Variants in ASXL3 observed in about 807,000 individuals in gnomAD.
The protein encoded by ASXL3 is putative Polycomb group protein ASXL3.
A neutral mutation model predicts 170.6 loss-of-function variants in ASXL3; 34 were observed. That is an observed-to-expected ratio of 0.20 (90% CI 0.15 to 0.27). ASXL3 has a LOEUF of 0.27. Among genes scored for constraint, ASXL3 ranks in the 10% least tolerant of loss-of-function variants. The pLI is 1.00. For missense variants in ASXL3, 2,592 were observed against 2,695.3 expected, an observed-to-expected ratio of 0.96 and a Z score of 0.85; for synonymous variants, 1,002 against 989.1, an observed-to-expected ratio of 1.01 and a Z score of -0.24.
At chr18:33,653,278 A>G (rs2066030666) in intron 4 of ASXL3, among the ~76,000 whole-genome samples, 2 of 152,030 alleles carry the variant, frequency 1.3e-5, no homozygotes, top group African/African-American at 4.8e-5. Context: ...AGTGTGACCA[A>G]CTACCTGGCA....
At chr18:33,716,531 C>A (rs1038037265) in intron 8 of ASXL3, among the ~76,000 whole-genome samples, 2 of 152,126 alleles carry the variant, frequency 1.3e-5, no homozygotes, top group Non-Finnish European at 2.9e-5. Flanking sequence ...AGTCAGATGA[C>A]AGGCTTTCTC....
At position 33,740,189 on chromosome 18, in the gene ASXL3, A is replaced by C; in HGVS notation, c.2785A>C (p.Ser929Arg). 1 of 1,613,932 alleles carries C rather than the reference A, an allele frequency of 6.2e-7. No individual in the cohort carries two copies. The highest frequency in any genetic ancestry group is 8.5e-7 in the Non-Finnish European group (1 of 1,179,864). ...GSRNKTHKQG[S>R]TQSRLETSHT... ...TAGAAATAAAACACATAAGCAAGGGAGTACACAGAGTCGGTTAGAAACCTC... is the reference window on the plus strand; with the variant it reads ...TAGAAATAAAACACATAAGCAAGGGCGTACACAGAGTCGGTTAGAAACCTC... The change falls in exon 11 of 12, where the codon AGT (serine) becomes CGT (arginine). Residue 929 changes from serine to arginine, a missense_variant. This residue lies in a region of ASXL3 where 2,246 missense variants were observed against 2,219.6 expected (regional missense o/e 1.01). Coordinates refer to ENST00000269197, the MANE Select transcript of ASXL3 (RefSeq NM_030632.3).
chr18:33,713,453 A>G (rs2067113985), intron 8 of ASXL3, among the ~76,000 whole-genome samples: 1 of 151,370 alleles, frequency 6.6e-6, no homozygotes. Context: ...GAGATGGACC[A>G]TGTTGGCCAG....
chr18:33,615,584 C>G (rs898785637), intron 2 of ASXL3, among the ~76,000 whole-genome samples: 4 of 152,094 alleles, frequency 2.6e-5, no homozygotes, highest in African/African-American at 7.2e-5. Flanking sequence ...CTCAAACTTG[C>G]AATTTGTAAA....
chr18:33,719,901 T>A (rs1250294574), intron 8 of ASXL3, among the ~76,000 whole-genome samples: 1 of 152,066 alleles, frequency 6.6e-6, no homozygotes, highest in African/African-American at 2.4e-5. Flanking sequence ...CTGCCCAGTC[T>A]ATGGTACTTT....
intron 8 of ASXL3, among the ~76,000 whole-genome samples, chr18:33,697,656 A>G (rs1375102129): frequency 6.6e-6 from 1 of 152,018 alleles, no homozygotes; most frequent in Admixed American, 6.6e-5. Flanking sequence ...ACCTCTATAC[A>G]TTTCAGGTGG....
At chr18:33,585,813 T>TAA (rs1327884513) in intron 1 of ASXL3, among the ~76,000 whole-genome samples, 1 of 152,236 alleles carries the variant, frequency 6.6e-6, no homozygotes, top group East Asian at 1.9e-4. Context: ...AAGATTTTCC[T>TAA]AAATATATGC....
intron 2 of ASXL3, among the ~76,000 whole-genome samples, chr18:33,633,229 A>G (rs1033978080): frequency 3.3e-5 from 5 of 152,316 alleles, no homozygotes; most frequent in African/African-American, 7.2e-5. Flanking sequence ...TGGAAATACA[A>G]TCTTTTTATT....
chr18:33,673,696 A>G (rs1382044417), intron 7 of ASXL3, among the ~76,000 whole-genome samples: 1 of 152,052 alleles, frequency 6.6e-6, no homozygotes, highest in Admixed American at 6.5e-5. Flanking sequence ...TTGTACCTTG[A>G]AGTCCATGCT....
At chr18:33,683,233 G>A (rs2066542299) in intron 7 of ASXL3, among the ~76,000 whole-genome samples, 172 bp from the exon 8 acceptor site, 2 of 152,126 alleles carry the variant, frequency 1.3e-5, no homozygotes, top group Admixed American at 6.5e-5. Flanking sequence ...GACACATAAT[G>A]GAAGAAGCTT....
chr18:33,636,267 C>G (rs2065761736), intron 2 of ASXL3, among the ~76,000 whole-genome samples: 1 of 151,948 alleles, frequency 6.6e-6, no homozygotes, highest in African/African-American at 2.4e-5. Context: ...GGCCTGAGGA[C>G]TTTGTGCCTC....
intron 8 of ASXL3, among the ~76,000 whole-genome samples, chr18:33,697,019 T>G (rs965756484): frequency 2.0e-5 from 3 of 152,126 alleles, no homozygotes; most frequent in African/African-American, 7.2e-5. Flanking sequence ...GAGTTTCTGA[T>G]GGAAACCATC....
intron 4 of ASXL3, among the ~76,000 whole-genome samples, chr18:33,660,883 C>A (rs1351095259): frequency 6.6e-6 from 1 of 152,172 alleles, no homozygotes; most frequent in Non-Finnish European, 1.5e-5. Flanking sequence ...AGAGCAGACA[C>A]TGCCTGTGGG....
chr18:33,691,008 G>T (rs1481292365), intron 8 of ASXL3, among the ~76,000 whole-genome samples: 6 of 151,994 alleles, frequency 3.9e-5, no homozygotes, highest in Non-Finnish European at 1.5e-5. Context: ...TCATGATCAT[G>T]GCTGTACCCC....
chr18:33,632,702 C>T (rs941940714), intron 2 of ASXL3, among the ~76,000 whole-genome samples: 7 of 152,290 alleles, frequency 4.6e-5, no homozygotes, highest in African/African-American at 1.7e-4. Context: ...TTGACTTTCT[C>T]CACATTGCTG....
chr18:33,705,908 T>G (rs1257926450), intron 8 of ASXL3, among the ~76,000 whole-genome samples: 1 of 151,870 alleles, frequency 6.6e-6, no homozygotes, highest in Non-Finnish European at 1.5e-5. Flanking sequence ...CCGTTTTAGT[T>G]AATACCCACA....
At chr18:33,656,130 T>G (rs1169985329) in intron 4 of ASXL3, among the ~76,000 whole-genome samples, 2 of 152,084 alleles carry the variant, frequency 1.3e-5, no homozygotes. Context: ...TCTATTCAGA[T>G]TTTATTGACT....
At chr18:33,650,819 T>G (rs975758523) in intron 4 of ASXL3, among the ~76,000 whole-genome samples, 1 of 152,120 alleles carries the variant, frequency 6.6e-6, no homozygotes, top group African/African-American at 2.4e-5. Flanking sequence ...GAGTATTCCT[T>G]GACTTGCTCA....
intron 4 of ASXL3, among the ~76,000 whole-genome samples, chr18:33,647,396 C>T (rs1467457509): frequency 1.3e-5 from 2 of 152,034 alleles, no homozygotes; most frequent in East Asian, 3.9e-4. Flanking sequence ...AGAATGGCTG[C>T]AGACTGCTTT....
Sources: gnomAD v4.1 joint callset for allele counts (sites outside exome capture counted in the v4.1 genomes callset) on GRCh38, gnomAD v4.1.1 for gene constraint, gnomAD v4.1.1 regional missense constraint, MANE v1.5 for transcripts, NCBI Gene and HGNC (gene_info 2026-07-23, HGNC 2026-07-21) for gene names.